CNDP1: variants seen among roughly 807,000 people sequenced by gnomAD.
CNDP1 encodes the protein beta-Ala-His dipeptidase.
A neutral mutation model predicts 58.1 loss-of-function variants in CNDP1; 44 were observed. The observed-to-expected ratio is 0.76, with a 90% CI of 0.60 to 0.97. The LOEUF (loss-of-function observed/expected upper bound fraction) is 0.97. Ranked by LOEUF, CNDP1 falls within the 50% of genes least tolerant of loss-of-function variation. CNDP1 has a pLI of 0.00. For missense variants in CNDP1, 616 were observed against 655.1 expected, an observed-to-expected ratio of 0.94 and a Z score of 0.65; for synonymous variants, 254 against 252.6, an observed-to-expected ratio of 1.01 and a Z score of -0.05.
intron 1 of CNDP1, among the ~76,000 whole-genome samples, chr18:74,547,942 G>C (rs759358204): frequency 2.0e-5 from 3 of 152,078 alleles, no homozygotes; most frequent in Non-Finnish European, 4.4e-5. Flanking sequence ...ATAAACACAG[G>C]CCTATGCAGC....
At chr18:74,582,361 G>A (rs143767894) in intron 10 of CNDP1, among the ~76,000 whole-genome samples, 11 of 152,144 alleles carry the variant, frequency 7.2e-5, no homozygotes, top group Non-Finnish European at 7.3e-5. Flanking sequence ...CAGCATGTCC[G>A]GTAAGCTAGA....
At position 74,535,121 on chromosome 18, in the gene CNDP1, C is replaced by G. The variant is rs895434262; in HGVS notation, c.24+430C>G. On this transcript the variant is annotated intron_variant, in intron 1 of 11. Transcript: ENST00000358821. ...GGGCTAGTTTGCAAGAGCTAATCAC[C>G]GGGCTAAATCACCCCAGGCCTTTCT... Among the ~76,000 whole-genome samples, 3 of 152,142 alleles carry G rather than the reference C, an allele frequency of 2.0e-5. 1 individual carries two copies. The highest frequency in any genetic ancestry group is 2.0e-4 in the Admixed American group (3 of 15,270).
At chr18:74,535,122 G>C (rs1014862942) in intron 1 of CNDP1, among the ~76,000 whole-genome samples, 3 of 152,102 alleles carry the variant, frequency 2.0e-5, no homozygotes, top group Non-Finnish European at 4.4e-5. Flanking sequence ...GCTAATCACC[G>C]GGCTAAATCA....
intron 1 of CNDP1, among the ~76,000 whole-genome samples, chr18:74,549,474 A>G (rs1200208146): frequency 1.3e-5 from 2 of 152,178 alleles, no homozygotes; most frequent in Non-Finnish European, 2.9e-5. Context: ...GTGAGTTTAT[A>G]TAAAATTAAA....
chr18:74,577,021 G>C lies in CNDP1; in HGVS notation c.994G>C (p.Asp332His). The change falls in exon 8 of 12, where the codon GAT (aspartate) becomes CAT (histidine). Residue 332 changes from aspartate to histidine, a missense_variant. Coordinates refer to ENST00000358821, the MANE Select transcript of CNDP1 (RefSeq NM_032649.6). ...NSSRVEKFLF[D>H]TKEEILMHLW... ...CAGCCGGGTTGAGAAATTTCTGTTC[G>C]ATACTAAGGTATGGCCACAGACTGA... The C allele has an allele frequency of 6.2e-7, 1 of 1,611,584 alleles. No homozygotes were observed. The highest frequency in any genetic ancestry group is 8.5e-7 in the Non-Finnish European group (1 of 1,178,820).
chr18:74,546,226 TG>T (rs1379575205), intron 1 of CNDP1, among the ~76,000 whole-genome samples: 1 of 152,218 alleles, frequency 6.6e-6, no homozygotes, highest in Non-Finnish European at 1.5e-5. Context: ...GCTGTCTCTC[TG>T]GCTGATGTCT....
rs181897117 is a variant in CNDP1, at chr18:74,577,911, A to C, written c.1003-252A>C. 3 of 359,066 alleles carry C rather than the reference A, an allele frequency of 8.4e-6. No individual in the cohort carries two copies. The East Asian group carries it at 1.3e-4, about 15-fold the overall frequency. The allele number at this position is 359,066 out of a possible 1,614,324, so 22.2% of individuals were successfully genotyped here. A position where few individuals can be genotyped will look rare whatever the true frequency, so the allele number is the denominator to read the frequency against. On this transcript the variant is annotated intron_variant, in intron 8 of 11. Transcript: ENST00000358821. ...GGCCCCTTTGCCATTTGTTAACTGA[A>C]AACTGCAGATCTTGGGCAAAGAGGG... is the stretch of plus-strand genomic sequence containing the variant.
intron 1 of CNDP1, 134 bp from the exon 2 acceptor site, chr18:74,556,204 C>T: frequency 1.1e-6 from 1 of 918,654 alleles, no homozygotes; most frequent in South Asian, 1.6e-5. Flanking sequence ...GGTTCTACCG[C>T]CTTGTGTTAT....
rs774936594 is a variant in CNDP1, at chr18:74,559,486, C to T, written c.303+14C>T. 6.3e-7 allele frequency: 1 copy of T among 1,594,638 alleles called. No individual in the cohort carries two copies. Among genetic ancestry groups the T allele is most frequent in the Non-Finnish European group, 8.5e-7 (1 of 1,175,116 alleles). ...GGTCCTCAGCAGGTGCTGTACGATT[C>T]CCTCCCACTGAGGGAGGTGCTACTT... On this transcript the variant is annotated intron_variant, in intron 3 of 11. Coordinates refer to ENST00000358821, the MANE Select transcript of CNDP1 (RefSeq NM_032649.6).
intron 1 of CNDP1, among the ~76,000 whole-genome samples, chr18:74,543,183 T>C (rs1383430282): frequency 2.0e-5 from 3 of 152,088 alleles, no homozygotes; most frequent in Admixed American, 6.5e-5. Context: ...CGTAAGCAGG[T>C]ATCTATGAAT....
At chr18:74,546,346 T>G (rs1980759803) in intron 1 of CNDP1, among the ~76,000 whole-genome samples, 1 of 152,112 alleles carries the variant, frequency 6.6e-6, no homozygotes. Context: ...GAGCTTTCTC[T>G]TCCCCACCGC....
Position 74,576,854 on chromosome 18 carries a change from G to A in CNDP1, c.842-15G>A, listed in dbSNP as rs760995916. ...TCCTTTCTACCTGGCTTTGTTTTCT[G>A]TGTGTGTTTTGTAGGTAGCCTGGTA... On this transcript the variant is annotated splice_polypyrimidine_tract_variant and intron_variant, in intron 7 of 11. Coordinates refer to ENST00000358821, the MANE Select transcript of CNDP1 (RefSeq NM_032649.6). 20 of 1,599,158 alleles carry A rather than the reference G, an allele frequency of 1.3e-5. No homozygotes were observed. The South Asian group carries it at 2.2e-4, about 17-fold the overall frequency.
At chr18:74,558,325 A>G (rs1223138544) in intron 2 of CNDP1, among the ~76,000 whole-genome samples, 1 of 151,498 alleles carries the variant, frequency 6.6e-6, no homozygotes, top group Non-Finnish European at 1.5e-5. Flanking sequence ...GGTGCTGGGC[A>G]CTGTGCACAC....
Position 74,587,139 on chromosome 18 carries a change from T to A in CNDP1, c.*2577T>A, listed in dbSNP as rs138729041. The A allele has an allele frequency of 6.6e-6, 1 of 152,226 alleles. No homozygotes were observed. The highest frequency in any genetic ancestry group is 1.5e-5 in the Non-Finnish European group (1 of 68,058). 9.4% of individuals were successfully genotyped at this position (152,226 alleles called of 1,614,324 possible). On this transcript the variant is annotated 3_prime_UTR_variant, in exon 12 of 12. Transcript: ENST00000358821. ...CATTTGAGTTTGGTAGATGCTTTTCTGGAAAACAATGAGGCTGGGAATGTT... is the reference window on the plus strand; with the variant it reads ...CATTTGAGTTTGGTAGATGCTTTTCAGGAAAACAATGAGGCTGGGAATGTT...
chr18:74,579,805 C>T (rs1981741848), intron 9 of CNDP1, among the ~76,000 whole-genome samples: 1 of 152,208 alleles, frequency 6.6e-6, no homozygotes, highest in Admixed American at 6.5e-5. Context: ...ACAAGTGATG[C>T]TCCAGCACCT....
At chr18:74,580,105 TATC>T (rs1981750547) in intron 9 of CNDP1, 22 bp from the exon 10 acceptor site, 1 of 1,599,426 alleles carries the variant, frequency 6.3e-7, no homozygotes, top group African/African-American at 1.3e-5. Context: ...CACTTTCTCT[TATC>T]ATTGAAAATG....
Position 74,573,520 on chromosome 18 carries a change from T to C in CNDP1, c.841+2250T>C, listed in dbSNP as rs149603718. ...CCTTCTAGTTTTCCTGAAATATAGCTCTTGGATGATATTTCCCATGCTTGA... is the reference window on the plus strand; with the variant it reads ...CCTTCTAGTTTTCCTGAAATATAGCCCTTGGATGATATTTCCCATGCTTGA... On this transcript the variant is annotated intron_variant, in intron 7 of 11. Coordinates refer to ENST00000358821, the MANE Select transcript of CNDP1 (RefSeq NM_032649.6). Among the ~76,000 whole-genome samples the C allele has an allele frequency of 2.6e-5, 4 of 152,346 alleles. No homozygotes were observed. In the East Asian group the frequency reaches 7.7e-4, roughly 29 times the overall value.
At chr18:74,554,474 A>G (rs994451373) in intron 1 of CNDP1, among the ~76,000 whole-genome samples, 1 of 152,220 alleles carries the variant, frequency 6.6e-6, no homozygotes. Flanking sequence ...TAGAAGAGAC[A>G]GAACACAGCT....
At chr18:74,549,475 T>C (rs1324777589) in intron 1 of CNDP1, among the ~76,000 whole-genome samples, 1 of 152,094 alleles carries the variant, frequency 6.6e-6, no homozygotes, top group East Asian at 1.9e-4. Context: ...TGAGTTTATA[T>C]AAAATTAAAT....
Sources: allele counts gnomAD v4.1 joint callset (sites outside exome capture counted in the v4.1 genomes callset), GRCh38; gene constraint gnomAD v4.1.1; transcripts MANE v1.5; gene names NCBI Gene and HGNC (gene_info 2026-07-23, HGNC 2026-07-21).